The following TAF10 variants were observed in gnomAD, a reference collection of about 807,000 sequenced individuals.
TAF10 encodes transcription initiation factor TFIID subunit 10.
TAF10 carries 2 observed loss-of-function variants against 18.1 expected under a neutral mutation model. That is an observed-to-expected ratio of 0.11 (90% CI 0.05 to 0.35). The LOEUF (loss-of-function observed/expected upper bound fraction) is 0.35, where lower values mean the gene tolerates loss of function less well. Ranked by LOEUF, TAF10 falls within the 10% of genes least tolerant of loss-of-function variation. The probability of loss-of-function intolerance (pLI) is 1.00; values close to 1 mark genes in which losing one functional copy is unlikely to be tolerated. For missense variants in TAF10, 293 were observed against 306.9 expected (o/e 0.95, Z 0.34); for synonymous variants, 158 against 134.6 (o/e 1.17, Z -1.20).
chr11:6,608,021 A>T lies in TAF10; in HGVS notation c.*2901T>A. On this transcript the variant is annotated 3_prime_UTR_variant, in exon 5 of 5. Transcript: ENST00000299424. This position sits in a 1 kb window ranked among gnomAD's most constrained non-coding sequence, Gnocchi z 4.9. ...CTTTGCCCCATCCCACCTCCAGCTC[A>T]ATGACCATTGCCCCTTCCTCAAAGG... 6.2e-7 allele frequency: 1 copy of T among 1,613,196 alleles called. No individual in the cohort carries two copies. The highest frequency in any genetic ancestry group is 8.5e-7 in the Non-Finnish European group (1 of 1,179,744).
rs543061095 is a variant in TAF10, at chr11:6,611,865, G to A, written c.233-47C>T. 1.6e-4 allele frequency: 246 copies of A among 1,579,250 alleles called. 1 individual carries two copies. The South Asian group carries it at 2.7e-3, about 17-fold the overall frequency. On this transcript the variant is annotated intron_variant, in intron 1 of 4. Coordinates refer to ENST00000299424, the MANE Select transcript of TAF10 (RefSeq NM_006284.4). ...GAGACACAGAGGTGGGAGGCGCAGG[G>A]CCCCAGCTAGGTCTGTCTATACCCT...
At position 6,607,309 on chromosome 11, in the gene TAF10, G is replaced by T. The variant is rs992949638; in HGVS notation, c.*3613C>A. The T allele has an allele frequency of 2.0e-5, 3 of 152,140 alleles. No individual in the cohort carries two copies. Among genetic ancestry groups the T allele is most frequent in the Non-Finnish European group, 2.9e-5 (2 of 68,052 alleles). The allele number at this position is 152,140 out of a possible 1,614,324, so 9.4% of individuals were successfully genotyped here. On this transcript the variant is annotated 3_prime_UTR_variant, in exon 5 of 5. Coordinates refer to ENST00000299424, the MANE Select transcript of TAF10 (RefSeq NM_006284.4). Reference sequence around the variant, plus strand: ...ATTTCTTGGAAAAGAAAAAAATCAGGTATAGTTTTAATCCCAAAACAGCCA... The same window carrying T: ...ATTTCTTGGAAAAGAAAAAAATCAGTTATAGTTTTAATCCCAAAACAGCCA...
In TAF10 at chr11:6,610,874, G is replaced by A. The variant is rs1855430504; in HGVS notation, c.*48C>T. 6.3e-7 allele frequency: 1 copy of A among 1,593,682 alleles called. No homozygotes were observed. The highest frequency in any genetic ancestry group is 1.7e-5 in the Admixed American group (1 of 59,924). ...ACAATAAAGTTTATTATGAAAACAG[G>A]CTGGTGTGGGGACATGGGGACAGAT... is the stretch of plus-strand genomic sequence containing the variant. On this transcript the variant is annotated 3_prime_UTR_variant, in exon 5 of 5. Transcript: ENST00000299424.
rs1397042828 is a variant in TAF10, at chr11:6,608,380, G to T, written c.*2542C>A. 9 of 1,612,040 alleles carry T rather than the reference G, an allele frequency of 5.6e-6. No homozygotes were observed. The Middle Eastern group carries it at 4.9e-4, about 88-fold the overall frequency. ...ACTTTCTGCCTCTTCTTTTTGTCTGGCCATGGGGTCCAGCTATTGCAGTAC... is the reference window on the plus strand; with the variant it reads ...ACTTTCTGCCTCTTCTTTTTGTCTGTCCATGGGGTCCAGCTATTGCAGTAC... On this transcript the variant is annotated 3_prime_UTR_variant, in exon 5 of 5. Coordinates refer to ENST00000299424, the MANE Select transcript of TAF10 (RefSeq NM_006284.4). The surrounding 1 kb of genome is among the most constrained non-coding windows in gnomAD (Gnocchi z 4.9).
Position 6,610,867 on chromosome 11 carries a change from A to G in TAF10, c.*55T>C. 1 of 1,590,104 alleles carries G rather than the reference A, an allele frequency of 6.3e-7. No individual in the cohort carries two copies. The highest frequency in any genetic ancestry group is 8.6e-7 in the Non-Finnish European group (1 of 1,158,424). On this transcript the variant is annotated 3_prime_UTR_variant, in exon 5 of 5. Transcript: ENST00000299424. ...GCCTGTCACAATAAAGTTTATTATG[A>G]AAACAGGCTGGTGTGGGGACATGGG...
rs1385087956 is a variant in TAF10 at position 6,607,763 on chromosome 11, A to G, written c.*3159T>C. 1 of 469,052 alleles carries G rather than the reference A, an allele frequency of 2.1e-6. No individual in the cohort carries two copies. Among genetic ancestry groups the G allele is most frequent in the African/African-American group, 2.0e-5 (1 of 50,908 alleles). 29.1% of individuals were successfully genotyped at this position (469,052 alleles called of 1,614,324 possible). A position where few individuals can be genotyped will look rare whatever the true frequency, so the allele number is the denominator to read the frequency against. ...AGATGTTGCAGAAGGGGTGCAAGAG[A>G]AACCAGGGGAAGAGCACTACCACCT... On this transcript the variant is annotated 3_prime_UTR_variant, in exon 5 of 5. Coordinates refer to ENST00000299424, the MANE Select transcript of TAF10 (RefSeq NM_006284.4).
Position 6,609,846 on chromosome 11 carries a change from G to C in TAF10, c.*1076C>G. On this transcript the variant is annotated 3_prime_UTR_variant, in exon 5 of 5. Coordinates refer to ENST00000299424, the MANE Select transcript of TAF10 (RefSeq NM_006284.4). ...TGCACTCAATAGCCGTAGTGTAATG[G>C]TGAGGCCACAAGCTCACTCCTGGCC... 6.2e-7 allele frequency: 1 copy of C among 1,614,202 alleles called. No homozygotes were observed. The highest frequency in any genetic ancestry group is 8.5e-7 in the Non-Finnish European group (1 of 1,180,024).
rs189208619 is a variant in TAF10 at position 6,609,324 on chromosome 11, A to G, written c.*1598T>C. Reference sequence around the variant, plus strand: ...CTATGGAAGGGCCGCTGGCAGGGCAATGACATTGTCGTGAAGGTGCTGAAG... The same window carrying G: ...CTATGGAAGGGCCGCTGGCAGGGCAGTGACATTGTCGTGAAGGTGCTGAAG... On this transcript the variant is annotated 3_prime_UTR_variant, in exon 5 of 5. Transcript: ENST00000299424. 26 of 1,614,178 alleles carry G rather than the reference A, an allele frequency of 1.6e-5. No homozygotes were observed. In the Admixed American group the frequency reaches 2.0e-4, roughly 12 times the overall value.
At chr11:6,611,881 T>C (rs1009844037) in intron 1 of TAF10, 63 bp from the exon 2 acceptor site, 36 of 1,565,310 alleles carry the variant, frequency 2.3e-5, no homozygotes, top group Non-Finnish European at 3.1e-5. Flanking sequence ...GCTAGGTCTG[T>C]CTATACCCTC....
Position 6,609,836 on chromosome 11 carries a change from T to C in TAF10, c.*1086A>G, listed in dbSNP as rs1383782529. 2.5e-6 allele frequency: 4 copies of C among 1,614,134 alleles called. No individual in the cohort carries two copies. Among genetic ancestry groups the C allele is most frequent in the Admixed American group, 1.7e-5 (1 of 60,016 alleles). ...TCCCACGACATGCACTCAATAGCCG[T>C]AGTGTAATGGTGAGGCCACAAGCTC... On this transcript the variant is annotated 3_prime_UTR_variant, in exon 5 of 5. Transcript: ENST00000299424.
chr11:6,607,841 T>G lies in TAF10; in HGVS notation c.*3081A>C, dbSNP rs1381643271. 1.7e-5 allele frequency: 10 copies of G among 594,032 alleles called. No homozygotes were observed. The highest frequency in any genetic ancestry group is 2.9e-5 in the Admixed American group (1 of 34,318). 36.8% of individuals were successfully genotyped at this position (594,032 alleles called of 1,614,324 possible). ...AGATAACACATTTTTTTATAGAGGTTGTTGAGATATCTAGGTGGTTGGTTT... is the reference window on the plus strand; with the variant it reads ...AGATAACACATTTTTTTATAGAGGTGGTTGAGATATCTAGGTGGTTGGTTT... On this transcript the variant is annotated 3_prime_UTR_variant, in exon 5 of 5. Transcript: ENST00000299424.
At position 6,609,069 on chromosome 11, in the gene TAF10, AGGAAAT is replaced by A; in HGVS notation, c.*1847_*1852del. 1 of 1,614,046 alleles carries A rather than the reference AGGAAAT, an allele frequency of 6.2e-7. No homozygotes were observed. On this transcript the variant is annotated 3_prime_UTR_variant, in exon 5 of 5. Coordinates refer to ENST00000299424, the MANE Select transcript of TAF10 (RefSeq NM_006284.4). ...GGGTACCTGACCTGCCCACACTCTT[AGGAAAT>A]GGAACCCTGAACAAACACTCTGGCA...
rs149710421 is a variant in TAF10 at position 6,609,293 on chromosome 11, C to T, written c.*1629G>A. On this transcript the variant is annotated 3_prime_UTR_variant, in exon 5 of 5. Transcript: ENST00000299424. ...TCAAGCCTCCTAACCCCTACCTGTC[C>T]TGCAGCTATGGAAGGGCCGCTGGCA... 6.2e-4 allele frequency: 995 copies of T among 1,613,736 alleles called. 5 individuals are homozygous for T. In the Middle Eastern group the frequency reaches 0.012, roughly 20 times the overall value.
Position 6,610,468 on chromosome 11 carries a change from T to C in TAF10, c.*454A>G, listed in dbSNP as rs371707871. On this transcript the variant is annotated 3_prime_UTR_variant, in exon 5 of 5. Transcript: ENST00000299424. ...TTTTTTCTTGTATTCGCAGGTGGCATTGGAAGGCCTTCGGCCTACCATCCC... is the reference window on the plus strand; with the variant it reads ...TTTTTTCTTGTATTCGCAGGTGGCACTGGAAGGCCTTCGGCCTACCATCCC... 5.0e-6 allele frequency: 8 copies of C among 1,614,124 alleles called. No individual in the cohort carries two copies. In the East Asian group the frequency reaches 6.7e-5, roughly 13 times the overall value.
rs762746674 is a variant in TAF10, at chr11:6,611,421, T to G, written c.419A>C (p.Asn140Thr). Residue 140 changes from asparagine (N) to threonine (T), a missense_variant, in exon 3 of 5, where the codon AAC becomes ACC. Asn to Thr is a moderately conservative substitution (Grantham distance 65). Coordinates refer to ENST00000299424, the MANE Select transcript of TAF10 (RefSeq NM_006284.4). ...GTCTGAGGCCTCAAAGCCAGCACGG[T>G]TCAGGTAGTAACCAGTCACTGCATC... ...IPDAVTGYYLNRAGFEASDPR... is the reference protein window; with the variant it reads ...IPDAVTGYYLTRAGFEASDPR... 1.2e-6 allele frequency: 2 copies of G among 1,614,158 alleles called. No homozygotes were observed. Among genetic ancestry groups the G allele is most frequent in the East Asian group, 2.2e-5 (1 of 44,888 alleles).
Position 6,607,242 on chromosome 11 carries a change from A to G in TAF10, c.*3680T>C, listed in dbSNP as rs996932233. The stretch of plus-strand genomic sequence containing the variant: ...GTCAGGCAGGCCCAGCTCCAAACCA[A>G]TTGTTTTGTTTTGTTTGTATACTTT... On this transcript the variant is annotated 3_prime_UTR_variant, in exon 5 of 5. Transcript: ENST00000299424. 1 of 152,100 alleles carries G rather than the reference A, an allele frequency of 6.6e-6. No homozygotes were observed. The highest frequency in any genetic ancestry group is 1.5e-5 in the Non-Finnish European group (1 of 68,030). 9.4% of individuals were successfully genotyped at this position (152,100 alleles called of 1,614,324 possible). A position where few individuals can be genotyped will look rare whatever the true frequency, so the allele number is the denominator to read the frequency against.
chr11:6,610,263 G>T lies in TAF10; in HGVS notation c.*659C>A. 1.2e-6 allele frequency: 2 copies of T among 1,614,206 alleles called. No individual in the cohort carries two copies. Among genetic ancestry groups the T allele is most frequent in the Non-Finnish European group, 1.7e-6 (2 of 1,180,034 alleles). ...TACCCTTTGCTGACCTCTCCAATAT[G>T]GAGATTGGAATGAAGGTGAGAGCAC... On this transcript the variant is annotated 3_prime_UTR_variant, in exon 5 of 5. Coordinates refer to ENST00000299424, the MANE Select transcript of TAF10 (RefSeq NM_006284.4).
In TAF10 at chr11:6,611,899, A is replaced by G; in HGVS notation, c.232+59T>C. ...AGGTCTGTCTATACCCTCTGCCCTC[A>G]CCCGCCGCTGGACCCAGCCCAAGAC... On this transcript the variant is annotated intron_variant, in intron 1 of 4. Coordinates refer to ENST00000299424, the MANE Select transcript of TAF10 (RefSeq NM_006284.4). The G allele has an allele frequency of 3.9e-6, 6 of 1,543,948 alleles. No homozygotes were observed. In the South Asian group the frequency reaches 7.1e-5, roughly 18 times the overall value.
intron 4 of TAF10, 46 bp downstream of exon 4, chr11:6,611,143 A>C: frequency 6.3e-7 from 1 of 1,599,068 alleles, no homozygotes; most frequent in Non-Finnish European, 8.6e-7. Flanking sequence ...ATAAGCCTCC[A>C]CTGTTGTGGA....
Sources: gnomAD v4.1 joint callset for allele counts on GRCh38, gnomAD v4.1.1 for gene constraint, Gnocchi (gnomAD v3.1) non-coding constraint, MANE v1.5 for transcripts, NCBI Gene and HGNC (gene_info 2026-07-23, HGNC 2026-07-21) for gene names.